The following UBXN7 variants were observed in gnomAD, a reference collection of about 807,000 sequenced individuals.
The protein encoded by UBXN7 is UBX domain-containing protein 7.
UBXN7 carries 9 observed loss-of-function variants against 58.0 expected under a neutral mutation model. The observed-to-expected ratio is 0.16, with a 90% CI of 0.09 to 0.27. The LOEUF (loss-of-function observed/expected upper bound fraction) is 0.27, where lower values mean the gene tolerates loss of function less well. Among genes scored for constraint, UBXN7 ranks in the 10% least tolerant of loss-of-function variants. UBXN7 has a pLI of 1.00. For missense variants in UBXN7, 328 were observed against 599.6 expected, an observed-to-expected ratio of 0.55 and a Z score of 4.73; for synonymous variants, 208 against 205.0, an observed-to-expected ratio of 1.01 and a Z score of -0.12.
intron 3 of UBXN7, among the ~76,000 whole-genome samples, chr3:196,401,646 A>G (rs1445952150): frequency 6.7e-6 from 1 of 149,600 alleles, no homozygotes; most frequent in Non-Finnish European, 1.5e-5. Flanking sequence ...AAATACCTAT[A>G]AGCCAGGCGT....
intron 9 of UBXN7, 68 bp from the exon 10 acceptor site, chr3:196,361,991 A>G: frequency 7.1e-7 from 1 of 1,410,600 alleles, no homozygotes; most frequent in Non-Finnish European, 9.8e-7. Flanking sequence ...ATTAGTTTAA[A>G]TAAATATGTA....
At chr3:196,386,978 T>C (rs556543727) in intron 5 of UBXN7, among the ~76,000 whole-genome samples, 2 of 152,248 alleles carry the variant, frequency 1.3e-5, no homozygotes, top group Non-Finnish European at 2.9e-5. Context: ...AAGGCTACAG[T>C]AACCAAAACA....
At chr3:196,421,657 G>A (rs1283410176) in intron 1 of UBXN7, among the ~76,000 whole-genome samples, 2 of 151,658 alleles carry the variant, frequency 1.3e-5, no homozygotes, top group African/African-American at 2.4e-5. Flanking sequence ...GGCGCCTGTA[G>A]TCCCAGCTAC....
chr3:196,365,901 G>T (rs575162990), intron 8 of UBXN7, among the ~76,000 whole-genome samples: 1 of 152,194 alleles, frequency 6.6e-6, no homozygotes, highest in East Asian at 1.9e-4. Flanking sequence ...AAACATTAAG[G>T]AAGAAATAAC....
At chr3:196,363,247 C>A (rs139812384) in intron 8 of UBXN7, among the ~76,000 whole-genome samples, 10 of 78,446 alleles carry the variant, frequency 1.3e-4, no homozygotes, top group South Asian at 1.0e-3. Context: ...TACATACATA[C>A]ATAAATATAT....
At chr3:196,399,694 GCCTCC>G in intron 3 of UBXN7, among the ~76,000 whole-genome samples, 1 of 152,234 alleles carries the variant, frequency 6.6e-6, no homozygotes, top group South Asian at 2.1e-4. Flanking sequence ...TTCAACTGTG[GCCTCC>G]CAAAGGACTG....
At chr3:196,364,857 C>T (rs888420523) in intron 8 of UBXN7, among the ~76,000 whole-genome samples, 3 of 151,890 alleles carry the variant, frequency 2.0e-5, no homozygotes, top group African/African-American at 4.8e-5. Flanking sequence ...CCACCACACC[C>T]GGCCAAAGGA....
intron 1 of UBXN7, among the ~76,000 whole-genome samples, chr3:196,411,551 T>C (rs1730325276): frequency 6.6e-6 from 1 of 152,252 alleles, no homozygotes; most frequent in Middle Eastern, 3.4e-3. Context: ...GTGGCTCACA[T>C]CTGTAATCCC....
chr3:196,428,281 G>C (rs1053702858), intron 1 of UBXN7, among the ~76,000 whole-genome samples: 1 of 151,966 alleles, frequency 6.6e-6, no homozygotes, highest in Non-Finnish European at 1.5e-5. Flanking sequence ...ATAATGTTAA[G>C]TGAAAATTTC....
At chr3:196,423,956 C>G (rs867165238) in intron 1 of UBXN7, among the ~76,000 whole-genome samples, 10 of 145,494 alleles carry the variant, frequency 6.9e-5, no homozygotes, top group Admixed American at 1.4e-4. Context: ...GTGGCAAGAT[C>G]TTGGCTCTCT....
chr3:196,393,624 G>A lies in UBXN7; in HGVS notation c.290-5C>T. The A allele has an allele frequency of 1.2e-6, 2 of 1,604,180 alleles. No homozygotes were observed. The highest frequency in any genetic ancestry group is 1.7e-6 in the Non-Finnish European group (2 of 1,176,954). Reference sequence around the variant, plus strand: ...CAGGCCGTCGTCTTTTAGGAGCTTTGGGGAGAAAAAATAGAATTGAAAATT... The same window carrying A: ...CAGGCCGTCGTCTTTTAGGAGCTTTAGGGAGAAAAAATAGAATTGAAAATT... On this transcript the variant is annotated splice_polypyrimidine_tract_variant and splice_region_variant and intron_variant, in intron 3 of 10. Coordinates refer to ENST00000296328, the MANE Select transcript of UBXN7 (RefSeq NM_015562.2).
At chr3:196,408,121 A>G (rs1425278364) in intron 1 of UBXN7, among the ~76,000 whole-genome samples, 1 of 149,250 alleles carries the variant, frequency 6.7e-6, no homozygotes, top group Non-Finnish European at 1.5e-5. Flanking sequence ...AAAAAAAAAA[A>G]GCATCTTTAA....
At chr3:196,405,334 G>C (rs1422136765) in intron 2 of UBXN7, among the ~76,000 whole-genome samples, 1 of 151,778 alleles carries the variant, frequency 6.6e-6, no homozygotes, top group Non-Finnish European at 1.5e-5. Flanking sequence ...GCCGGGCGTG[G>C]TGGAGTGTAC....
chr3:196,382,777 T>C (rs558387966), intron 5 of UBXN7, among the ~76,000 whole-genome samples: 1 of 151,934 alleles, frequency 6.6e-6, no homozygotes, highest in Admixed American at 6.6e-5. Flanking sequence ...AGGCTCAAAA[T>C]AAAGGGATGG....
intron 8 of UBXN7, among the ~76,000 whole-genome samples, chr3:196,365,066 T>C (rs1335532553): frequency 8.4e-6 from 1 of 118,796 alleles, no homozygotes; most frequent in Non-Finnish European, 2.1e-5. Flanking sequence ...TCTGATTTCC[T>C]TACTTATATA....
chr3:196,431,971 G>A lies in UBXN7; in HGVS notation c.73+356C>T, dbSNP rs967997381. 10 of 438,408 alleles carry A rather than the reference G, an allele frequency of 2.3e-5. 1 individual carries two copies. The highest frequency in any genetic ancestry group is 1.1e-4 in the South Asian group (5 of 47,548). The allele number at this position is 438,408 out of a possible 1,614,324, so 27.2% of individuals were successfully genotyped here. Reference sequence around the variant, plus strand: ...GCACAGAGAAGGGAAGATGATGAAGGAGGAGGAGGAGGGCGGTGGCCCGGG... The same window carrying A: ...GCACAGAGAAGGGAAGATGATGAAGAAGGAGGAGGAGGGCGGTGGCCCGGG... On this transcript the variant is annotated intron_variant, in intron 1 of 10. Coordinates refer to ENST00000296328, the MANE Select transcript of UBXN7 (RefSeq NM_015562.2).
rs1288931960 is a variant in UBXN7, at chr3:196,349,244, C to T, written c.*7441G>A. The T allele has an allele frequency of 1.3e-5, 2 of 152,148 alleles. No homozygotes were observed. The highest frequency in any genetic ancestry group is 3.8e-4 in the East Asian group (2 of 5,198). 9.4% of individuals were successfully genotyped at this position (152,148 alleles called of 1,614,324 possible). On this transcript the variant is annotated 3_prime_UTR_variant, in exon 11 of 11. Coordinates refer to ENST00000296328, the MANE Select transcript of UBXN7 (RefSeq NM_015562.2). ...ACGAACCCAGGAAAGTAACAAGGCC[C>T]AAGACCCCACATGGGTCAGATAAGC...
At chr3:196,382,658 T>C (rs546094003) in intron 5 of UBXN7, among the ~76,000 whole-genome samples, 1 of 152,144 alleles carries the variant, frequency 6.6e-6, no homozygotes, top group Non-Finnish European at 1.5e-5. Context: ...TAAATGTAAA[T>C]GGGCTAAATG....
intron 4 of UBXN7, 125 bp downstream of exon 4, chr3:196,393,428 TG>T: frequency 1.1e-6 from 1 of 870,886 alleles, no homozygotes; most frequent in Non-Finnish European, 1.7e-6. Flanking sequence ...AATCACATTC[TG>T]GATCCATAAT....
Sources: gnomAD v4.1 joint callset for allele counts (sites outside exome capture counted in the v4.1 genomes callset) on GRCh38, gnomAD v4.1.1 for gene constraint, MANE v1.5 for transcripts, NCBI Gene and HGNC (gene_info 2026-07-23, HGNC 2026-07-21) for gene names.